The following CEP126 variants were observed in gnomAD, a reference collection of about 807,000 sequenced individuals.
The protein encoded by CEP126 is centrosomal protein 126.
Under a neutral mutation model 107.8 loss-of-function variants are expected in CEP126, and 74 were observed. The observed-to-expected ratio is 0.69, with a 90% CI of 0.57 to 0.83. The LOEUF (loss-of-function observed/expected upper bound fraction) is 0.83. Among genes scored for constraint, CEP126 ranks in the 40% least tolerant of loss-of-function variants. The pLI is 0.00. For missense variants in CEP126, 1,237 were observed against 1,281.9 expected, an observed-to-expected ratio of 0.96 and a Z score of 0.53; for synonymous variants, 449 against 446.0, an observed-to-expected ratio of 1.01 and a Z score of -0.08.
chr11:101,949,356 T>A (rs1443007156), intron 4 of CEP126, among the ~76,000 whole-genome samples: 1 of 152,210 alleles, frequency 6.6e-6, no homozygotes, highest in African/African-American at 2.4e-5. Flanking sequence ...TTCCAATCCA[T>A]TGTGAACAAT....
chr11:101,944,136 T>G, intron 2 of CEP126, 129 bp from the exon 3 acceptor site: 1 of 876,322 alleles, frequency 1.1e-6, no homozygotes, highest in South Asian at 2.3e-5. Flanking sequence ...TTTAAAAAAT[T>G]TAAAATTTGT....
intron 1 of CEP126, among the ~76,000 whole-genome samples, chr11:101,920,233 C>T (rs1417047932): frequency 6.6e-6 from 1 of 152,070 alleles, no homozygotes; most frequent in Non-Finnish European, 1.5e-5. Context: ...ACAAAATGTT[C>T]AAATAAACCT....
At chr11:101,985,992 CTT>C (rs1402873159) in intron 8 of CEP126, among the ~76,000 whole-genome samples, 5 of 98,078 alleles carry the variant, frequency 5.1e-5, no homozygotes, top group Non-Finnish European at 4.6e-5. Flanking sequence ...GAATTGATTT[CTT>C]TTTTTTTTTT....
At position 101,999,476 on chromosome 11, in the gene CEP126, G is replaced by A. The variant is rs1217470805; in HGVS notation, c.*1833G>A. ...TAGTTGAAAATAGTTAAGATCCAAA[G>A]TCAGAATAGGCCAAAAAAAAAAAAA... On this transcript the variant is annotated 3_prime_UTR_variant, in exon 11 of 11. Coordinates refer to ENST00000263468, the MANE Select transcript of CEP126 (RefSeq NM_020802.4). 1.2e-5 allele frequency: 1 copy of A among 85,464 alleles called. No individual in the cohort carries two copies. Among genetic ancestry groups the A allele is most frequent in the Non-Finnish European group, 2.2e-5 (1 of 46,410 alleles). 5.3% of individuals were successfully genotyped at this position (85,464 alleles called of 1,614,324 possible).
intron 3 of CEP126, among the ~76,000 whole-genome samples, chr11:101,947,306 G>A (rs532454368): frequency 3.5e-4 from 54 of 152,246 alleles, no homozygotes; most frequent in East Asian, 1.9e-3. Context: ...TGTATAGATA[G>A]TATAGTATAT....
intron 8 of CEP126, among the ~76,000 whole-genome samples, chr11:101,986,126 G>A (rs1318109240): frequency 6.6e-6 from 1 of 151,036 alleles, no homozygotes; most frequent in East Asian, 2.0e-4. Flanking sequence ...GGGATTATAA[G>A]CACCCACAAT....
chr11:101,983,443 C>T (rs562436058), intron 8 of CEP126, among the ~76,000 whole-genome samples: 22 of 152,252 alleles, frequency 1.4e-4, no homozygotes, highest in African/African-American at 4.3e-4. Context: ...CCATCAGCGT[C>T]GCATGAGCAC....
chr11:101,970,609 AT>A (rs1376963239), intron 6 of CEP126, among the ~76,000 whole-genome samples: 3 of 151,832 alleles, frequency 2.0e-5, no homozygotes, highest in East Asian at 1.9e-4. Flanking sequence ...CAAAAAGAAT[AT>A]TTTTTTCTTT....
intron 7 of CEP126, 132 bp from the exon 8 acceptor site, chr11:101,981,757 G>A (rs1941257414): frequency 3.7e-6 from 2 of 542,184 alleles, no homozygotes; most frequent in South Asian, 5.4e-5. Flanking sequence ...TCTAAAAAAT[G>A]TAATATACAA....
intron 3 of CEP126, among the ~76,000 whole-genome samples, chr11:101,946,630 G>A (rs1320391421): frequency 6.6e-6 from 1 of 152,124 alleles, no homozygotes; most frequent in Non-Finnish European, 1.5e-5. Flanking sequence ...GGAGGCTGAG[G>A]CGGGTGGACC....
At chr11:101,936,889 T>C (rs1204196548) in intron 2 of CEP126, among the ~76,000 whole-genome samples, 1 of 152,212 alleles carries the variant, frequency 6.6e-6, no homozygotes, top group Non-Finnish European at 1.5e-5. Context: ...CCTCATTTGG[T>C]AATGATATGT....
At chr11:101,918,014 C>CT (rs1397740256) in intron 1 of CEP126, among the ~76,000 whole-genome samples, 1 of 152,196 alleles carries the variant, frequency 6.6e-6, no homozygotes, top group Non-Finnish European at 1.5e-5. Context: ...ACTCGATAGA[C>CT]TGTCTTACCA....
At chr11:101,917,424 T>C (rs1940240570) in intron 1 of CEP126, among the ~76,000 whole-genome samples, 1 of 152,164 alleles carries the variant, frequency 6.6e-6, no homozygotes, top group Non-Finnish European at 1.5e-5. Flanking sequence ...AATATGAACA[T>C]GATACTCAGA....
chr11:101,946,221 C>A (rs1190496627), intron 3 of CEP126, among the ~76,000 whole-genome samples: 1 of 151,966 alleles, frequency 6.6e-6, no homozygotes, highest in African/African-American at 2.4e-5. Context: ...GAGATATAAT[C>A]ACGGCCAGCC....
rs199774826 is a variant in CEP126, at chr11:101,978,359, T to C, written c.2858T>C (p.Met953Thr). 19 of 1,612,060 alleles carry C rather than the reference T, an allele frequency of 1.2e-5. No homozygotes were observed. Among genetic ancestry groups the C allele is most frequent in the Middle Eastern group, 1.7e-4 (1 of 6,058 alleles). Residue 953 changes from methionine to threonine, a missense_variant, in exon 7 of 11, where the codon ATG (methionine) becomes ACG (threonine). By Grantham distance (81) the Met-to-Thr change is moderately conservative (BLOSUM62 -1). Coordinates refer to ENST00000263468, the MANE Select transcript of CEP126 (RefSeq NM_020802.4). ...QNKRATGSTVMRRKRIAETKR... is the reference protein window; with the variant it reads ...QNKRATGSTVTRRKRIAETKR... ...GCATTTGTTTAAGGGTCTACTGTTA[T>C]GAGAAGAAAACGAATTGCTGAAACT...
At chr11:101,917,833 C>T (rs1940251900) in intron 1 of CEP126, among the ~76,000 whole-genome samples, 1 of 152,178 alleles carries the variant, frequency 6.6e-6, no homozygotes, top group Non-Finnish European at 1.5e-5. Flanking sequence ...TACTATAGTC[C>T]TGCTCCTTTA....
chr11:101,930,163 G>A (rs1480695990), intron 2 of CEP126, among the ~76,000 whole-genome samples: 1 of 144,036 alleles, frequency 6.9e-6, no homozygotes, highest in African/African-American at 2.7e-5. Flanking sequence ...TTATGGGTGT[G>A]TGTTGGGGAG....
chr11:101,956,189 A>G (rs1381763477), intron 4 of CEP126: 2 of 456,302 alleles, frequency 4.4e-6, no homozygotes, highest in African/African-American at 4.0e-5. Flanking sequence ...TTTCAGACCC[A>G]AACATTTCCT....
intron 4 of CEP126, among the ~76,000 whole-genome samples, chr11:101,951,566 G>A (rs1182383109): frequency 6.6e-6 from 1 of 151,400 alleles, no homozygotes; most frequent in African/African-American, 2.4e-5. Context: ...ATGAGGAAGA[G>A]GAGGAGAAAG....
Sources: allele counts gnomAD v4.1 joint callset (sites outside exome capture counted in the v4.1 genomes callset), GRCh38; gene constraint gnomAD v4.1.1; transcripts MANE v1.5; gene names NCBI Gene and HGNC (gene_info 2026-07-23, HGNC 2026-07-21).